Variants in PCDHGA9 observed in about 807,000 individuals in gnomAD.
PCDHGA9 encodes the protein protocadherin gamma-A9.
In PCDHGA9, 37 loss-of-function variants were observed where a neutral mutation model predicts 62.5. The ratio of observed to expected loss-of-function variants is 0.59; its 90% CI spans 0.46 to 0.78. PCDHGA9 has a LOEUF of 0.78. PCDHGA9 is among the 30% of genes least tolerant of loss of function. The probability of loss-of-function intolerance (pLI) is 0.00; values close to 1 mark genes in which losing one functional copy is unlikely to be tolerated. For synonymous variants in PCDHGA9, 459 were observed against 484.6 expected, an observed-to-expected ratio of 0.95 and a Z score of 0.69; for missense variants, 1,138 against 1,166.2, an observed-to-expected ratio of 0.98 and a Z score of 0.35.
At chr5:141,466,763 C>T (rs960940073) in intron 1 of PCDHGA9, among the ~76,000 whole-genome samples, 31 of 152,272 alleles carry the variant, frequency 2.0e-4, no homozygotes, top group Middle Eastern at 6.8e-3. Context: ...TCTTTTCAAA[C>T]TGTTATCTTA....
At chr5:141,421,675 G>A in intron 1 of PCDHGA9, 2 of 1,613,910 alleles carry the variant, frequency 1.2e-6, no homozygotes, top group Non-Finnish European at 1.7e-6. Context: ...CGCAATTCCT[G>A]GGGCGCGATT....
Position 141,477,704 on chromosome 5 carries a change from C to T in PCDHGA9, c.2425-17103C>T, listed in dbSNP as rs772195653. 30 of 1,613,968 alleles carry T rather than the reference C, an allele frequency of 1.9e-5. No homozygotes were observed. Among genetic ancestry groups the T allele is most frequent in the Admixed American group, 6.7e-5 (4 of 60,026 alleles). On this transcript the variant is annotated intron_variant, in intron 1 of 3. Transcript: ENST00000573521. This position sits in a 1 kb window ranked among gnomAD's most constrained non-coding sequence, Gnocchi z 4.9. Reference sequence around the variant, plus strand: ...CTTAGTGCCCCTAGACTATGAGGATCGGCGGGAATTTGAATTAACAGCTCA... The same window carrying T: ...CTTAGTGCCCCTAGACTATGAGGATTGGCGGGAATTTGAATTAACAGCTCA...
chr5:141,444,146 T>C (rs2098418879), intron 1 of PCDHGA9, among the ~76,000 whole-genome samples: 2 of 145,824 alleles, frequency 1.4e-5, no homozygotes, highest in South Asian at 4.3e-4. Flanking sequence ...CACTTGTGTG[T>C]ACTGGATTTT....
chr5:141,510,944 C>T lies in PCDHGA9; in HGVS notation c.2573-3C>T, dbSNP rs772921698. 2 of 1,614,120 alleles carry T rather than the reference C, an allele frequency of 1.2e-6. No individual in the cohort carries two copies. Among genetic ancestry groups the T allele is most frequent in the South Asian group, 2.2e-5 (2 of 91,080 alleles). On this transcript the variant is annotated splice_region_variant and splice_polypyrimidine_tract_variant and intron_variant, in intron 3 of 3. Transcript: ENST00000573521. Reference sequence around the variant, plus strand: ...CCCACCTGATCTTCCTCTGTCTCTGCAGAAGCTGCTGATGGGAGCTCCACC... The same window carrying T: ...CCCACCTGATCTTCCTCTGTCTCTGTAGAAGCTGCTGATGGGAGCTCCACC...
rs766182165 is a variant in PCDHGA9 at position 141,478,048 on chromosome 5, C to T, written c.2425-16759C>T. ...ACACAGATTCACCCAGGCAGACTCT[C>T]ACGGTCTTGATCAAAGACAATGGGG... On this transcript the variant is annotated intron_variant, in intron 1 of 3. Transcript: ENST00000573521. 5.6e-6 allele frequency: 9 copies of T among 1,614,040 alleles called. No homozygotes were observed. In the Admixed American group the frequency reaches 1.0e-4, roughly 18 times the overall value.
intron 1 of PCDHGA9, chr5:141,418,973 C>T: frequency 3.1e-6 from 5 of 1,613,916 alleles, no homozygotes; most frequent in Non-Finnish European, 3.4e-6. Context: ...CTTCAAAACA[C>T]GGGACCAAGA....
chr5:141,405,599 A>G, intron 1 of PCDHGA9: 2 of 575,638 alleles, frequency 3.5e-6, no homozygotes, highest in South Asian at 4.5e-5. Flanking sequence ...CCTCCCAAGT[A>G]GAATAACTGG....
chr5:141,503,343 T>C (rs558650835), intron 2 of PCDHGA9, among the ~76,000 whole-genome samples: 87 of 152,106 alleles, frequency 5.7e-4, no homozygotes, highest in South Asian at 1.2e-3. Flanking sequence ...ACGCCTGTAA[T>C]TCCAGCACTT....
chr5:141,491,080 A>T lies in PCDHGA9; in HGVS notation c.2425-3727A>T. On this transcript the variant is annotated intron_variant, in intron 1 of 3. Transcript: ENST00000573521. This position sits in a 1 kb window ranked among gnomAD's most constrained non-coding sequence, Gnocchi z 6.9. ...CTCCTACTCACTGTTGCCACAGTCC[A>T]CAGCCCCAGGACTGTTCCTCGTGTC... The T allele has an allele frequency of 6.2e-7, 1 of 1,614,116 alleles. No individual in the cohort carries two copies. Among genetic ancestry groups the T allele is most frequent in the Non-Finnish European group, 8.5e-7 (1 of 1,179,994 alleles).
At position 141,438,623 on chromosome 5, in the gene PCDHGA9, TATATATATATATAC is replaced by T. The variant is rs537048311; in HGVS notation, c.2424+33249_2424+33262del. Among the ~76,000 whole-genome samples the T allele has an allele frequency of 0.015, 646 of 42,812 alleles. 25 individuals are homozygous for T. In the East Asian group the frequency reaches 0.19, roughly 12 times the overall value. The allele number at this position is 42,812 out of a possible 152,430, so 28.1% of individuals were successfully genotyped here. A position where few individuals can be genotyped will look rare whatever the true frequency, so the allele number is the denominator to read the frequency against. On this transcript the variant is annotated intron_variant, in intron 1 of 3. Transcript: ENST00000573521. ...ATATATATATATATATATATATATA[TATATATATATATAC>T]ACACACACACACACATATATGTATA...
chr5:141,428,168 C>A, intron 1 of PCDHGA9: 1 of 1,551,608 alleles, frequency 6.4e-7, no homozygotes, highest in Non-Finnish European at 8.8e-7. Context: ...GGTTGCTGTG[C>A]GTGACGGAGG....
In PCDHGA9 at chr5:141,477,836, G is replaced by T. The variant is rs1344676631; in HGVS notation, c.2425-16971G>T. On this transcript the variant is annotated intron_variant, in intron 1 of 3. Transcript: ENST00000573521. This position sits in a 1 kb window ranked among gnomAD's most constrained non-coding sequence, Gnocchi z 4.9. ...CCAGGTCCTATATCCTCGGCCAGGT[G>T]GGAGCTCGGTGGAGATGCTGCCTCG... The T allele has an allele frequency of 1.2e-6, 2 of 1,613,952 alleles. No individual in the cohort carries two copies. Among genetic ancestry groups the T allele is most frequent in the Non-Finnish European group, 1.7e-6 (2 of 1,180,012 alleles).
rs770638374 is a variant in PCDHGA9 at position 141,409,524 on chromosome 5, A to G, written c.2424+4148A>G. On this transcript the variant is annotated intron_variant, in intron 1 of 3. Coordinates refer to ENST00000573521, the MANE Select transcript of PCDHGA9 (RefSeq NM_018921.3). ...TCTTCCAGTAGAAGCATCACCTTGTATGTCGCTGACATCAACGACAACGCC... is the reference window on the plus strand; with the variant it reads ...TCTTCCAGTAGAAGCATCACCTTGTGTGTCGCTGACATCAACGACAACGCC... 11 of 1,613,972 alleles carry G rather than the reference A, an allele frequency of 6.8e-6. No homozygotes were observed. In the South Asian group the frequency reaches 1.1e-4, roughly 16 times the overall value.
At chr5:141,436,467 A>G (rs2097825090) in intron 1 of PCDHGA9, among the ~76,000 whole-genome samples, 1 of 152,216 alleles carries the variant, frequency 6.6e-6, no homozygotes, top group South Asian at 2.1e-4. Flanking sequence ...GAATTTTCAG[A>G]TGTATCATAG....
rs766431596 is a variant in PCDHGA9 at position 141,422,883 on chromosome 5, C to T, written c.2424+17507C>T. The T allele has an allele frequency of 3.7e-6, 6 of 1,614,124 alleles. No homozygotes were observed. The African/African-American group carries it at 4.0e-5, about 11-fold the overall frequency. Reference sequence around the variant, plus strand: ...GCAGCAACGTGTCGCTGAGCCTGTTCGTGCTGGACCAGAACGACAATGCGC... The same window carrying T: ...GCAGCAACGTGTCGCTGAGCCTGTTTGTGCTGGACCAGAACGACAATGCGC... On this transcript the variant is annotated intron_variant, in intron 1 of 3. Transcript: ENST00000573521.
intron 1 of PCDHGA9, among the ~76,000 whole-genome samples, chr5:141,429,903 T>C (rs1276564046): frequency 2.0e-5 from 3 of 152,252 alleles, no homozygotes; most frequent in African/African-American, 7.2e-5. Flanking sequence ...TAAATATTTT[T>C]GAAATATAAT....
intron 3 of PCDHGA9, among the ~76,000 whole-genome samples, chr5:141,509,791 C>T (rs2099878284): frequency 6.6e-6 from 1 of 152,164 alleles, no homozygotes; most frequent in Non-Finnish European, 1.5e-5. Flanking sequence ...TCATCATCTC[C>T]TCAGCTTCAT....
chr5:141,421,895 G>A, intron 1 of PCDHGA9: 1 of 1,613,730 alleles, frequency 6.2e-7, no homozygotes, highest in African/African-American at 1.3e-5. Flanking sequence ...GATCCCATCC[G>A]AAAGGGCGCA....
intron 2 of PCDHGA9, among the ~76,000 whole-genome samples, chr5:141,499,686 T>G (rs1400567357): frequency 1.3e-5 from 2 of 149,346 alleles, no homozygotes; most frequent in Non-Finnish European, 3.0e-5. Flanking sequence ...CTTTAACAGA[T>G]GACTTTTTTT....
Sources: gnomAD v4.1 joint callset for allele counts (sites outside exome capture counted in the v4.1 genomes callset) on GRCh38, gnomAD v4.1.1 for gene constraint, Gnocchi (gnomAD v3.1) non-coding constraint, MANE v1.5 for transcripts, NCBI Gene and HGNC (gene_info 2026-07-23, HGNC 2026-07-21) for gene names.